Variants in EPHB1 observed in about 807,000 individuals in gnomAD.
The protein encoded by EPHB1 is EPH receptor B1, also known as ephrin type-B receptor 1.
A neutral mutation model predicts 94.4 loss-of-function variants in EPHB1; 30 were observed. The observed-to-expected ratio is 0.32, with a 90% CI of 0.24 to 0.43. EPHB1 has a LOEUF of 0.43. Among genes scored for constraint, EPHB1 ranks in the 20% least tolerant of loss-of-function variants. EPHB1 has a pLI of 1.00. For missense variants in EPHB1, 1,055 were observed against 1,308.3 expected (o/e 0.81, Z 2.99); for synonymous variants, 522 against 489.1 (o/e 1.07, Z -0.89).
At chr3:135,119,007 A>G (rs1170362468) in intron 4 of EPHB1, among the ~76,000 whole-genome samples, 1 of 152,188 alleles carries the variant, frequency 6.6e-6, no homozygotes, top group Non-Finnish European at 1.5e-5. Flanking sequence ...TCTTCACAGC[A>G]GTGTGCATCA....
chr3:135,056,102 G>A (rs1370453327), intron 3 of EPHB1, among the ~76,000 whole-genome samples: 2 of 152,234 alleles, frequency 1.3e-5, no homozygotes, highest in African/African-American at 4.8e-5. Context: ...AGTCCAGGCT[G>A]TCAGTTACCA....
At chr3:135,042,810 C>T (rs527281135) in intron 3 of EPHB1, among the ~76,000 whole-genome samples, 30 of 152,276 alleles carry the variant, frequency 2.0e-4, no homozygotes, top group African/African-American at 6.3e-4. Context: ...TCTAAGACCT[C>T]TTCCTAAAAC....
chr3:134,807,031 T>G (rs1490923433), intron 1 of EPHB1, among the ~76,000 whole-genome samples: 1 of 152,066 alleles, frequency 6.6e-6, no homozygotes, highest in African/African-American at 2.4e-5. Context: ...TTTGGCTTGA[T>G]TACAAAATTC....
chr3:135,165,424 C>T (rs909081478), intron 7 of EPHB1, among the ~76,000 whole-genome samples: 2 of 152,188 alleles, frequency 1.3e-5, no homozygotes, highest in Non-Finnish European at 2.9e-5. Flanking sequence ...AAGCCTTGAT[C>T]ATTTTCTTCT....
Position 134,795,615 on chromosome 3 carries a change from C to T in EPHB1, c.-17C>T, listed in dbSNP as rs778630433. The T allele has an allele frequency of 6.2e-7, 1 of 1,603,162 alleles. No homozygotes were observed. Among genetic ancestry groups the T allele is most frequent in the Non-Finnish European group, 8.5e-7 (1 of 1,175,918 alleles). On this transcript the variant is annotated 5_prime_UTR_variant, in exon 1 of 16. Transcript: ENST00000398015. ...GCTGCCTCGGCTTGGTCTCGGCCTG[C>T]GGGCCGTCGGCCGGCGATGGCCCTG...
In EPHB1 at chr3:135,029,728, C is replaced by G. The variant is rs1936349275; in HGVS notation, c.806-76720C>G. 1.3e-5 allele frequency among the ~76,000 whole-genome samples: 2 copies of G among 151,232 alleles called. 1 individual carries two copies. Among genetic ancestry groups the G allele is most frequent in the South Asian group, 4.2e-4 (2 of 4,736 alleles). On this transcript the variant is annotated intron_variant, in intron 3 of 15. Coordinates refer to ENST00000398015, the MANE Select transcript of EPHB1 (RefSeq NM_004441.5). ...TGGAGTTGCTCTTCTCGAGGAGTAT[C>G]TTTGTGGCATTCTCTGTATTTCCTG... is the stretch of plus-strand genomic sequence containing the variant.
chr3:134,873,921 C>A (rs913090016), intron 1 of EPHB1, among the ~76,000 whole-genome samples: 3 of 152,164 alleles, frequency 2.0e-5, no homozygotes, highest in African/African-American at 7.2e-5. Context: ...TAGTTTGTCA[C>A]TCAGGTTAGC....
At chr3:135,213,685 A>G (rs1943080024) in intron 12 of EPHB1, among the ~76,000 whole-genome samples, 1 of 152,240 alleles carries the variant, frequency 6.6e-6, no homozygotes. Flanking sequence ...ATCTCTGGAT[A>G]GCAGCTTTAT....
At chr3:135,146,825 C>T (rs1025239918) in intron 5 of EPHB1, among the ~76,000 whole-genome samples, 4 of 152,226 alleles carry the variant, frequency 2.6e-5, no homozygotes, top group Admixed American at 6.5e-5. Flanking sequence ...GGGAATGATG[C>T]CCAGTGATTG....
intron 1 of EPHB1, among the ~76,000 whole-genome samples, chr3:134,850,908 T>C (rs1233274404): frequency 1.3e-5 from 2 of 152,224 alleles, no homozygotes; most frequent in African/African-American, 2.4e-5. Context: ...AGGGGGGCAT[T>C]CATCTGCTTC....
At chr3:134,848,379 T>C (rs918135891) in intron 1 of EPHB1, among the ~76,000 whole-genome samples, 2 of 152,248 alleles carry the variant, frequency 1.3e-5, no homozygotes, top group Admixed American at 1.3e-4. Flanking sequence ...AATATGTTTA[T>C]AGTGTTGTTA....
At chr3:135,222,784 A>C (rs1943302604) in intron 12 of EPHB1, among the ~76,000 whole-genome samples, 1 of 152,238 alleles carries the variant, frequency 6.6e-6, no homozygotes, top group African/African-American at 2.4e-5. Flanking sequence ...AAGAGGAAGC[A>C]CAAAAATCCA....
intron 1 of EPHB1, among the ~76,000 whole-genome samples, chr3:134,877,729 TTTCTG>T (rs1218424037): frequency 6.6e-6 from 1 of 152,158 alleles, no homozygotes; most frequent in Non-Finnish European, 1.5e-5. Flanking sequence ...GAAGAGGGTG[TTTCTG>T]CTATAGAAAG....
chr3:134,840,762 G>C (rs1199513447), intron 1 of EPHB1, among the ~76,000 whole-genome samples: 1 of 152,166 alleles, frequency 6.6e-6, no homozygotes, highest in African/African-American at 2.4e-5. Context: ...CACAGAACTG[G>C]TACACATTGT....
chr3:135,248,657 GAAGA>G (rs1330104562), intron 14 of EPHB1, 148 bp downstream of exon 14: 5 of 674,832 alleles, frequency 7.4e-6, no homozygotes, highest in African/African-American at 5.4e-5. Context: ...CAACATGCAT[GAAGA>G]AAGACAGGAG....
intron 1 of EPHB1, among the ~76,000 whole-genome samples, chr3:134,916,260 T>C (rs1344836485): frequency 1.3e-5 from 2 of 152,170 alleles, no homozygotes; most frequent in Non-Finnish European, 2.9e-5. Context: ...GTTCTCCAAG[T>C]CCCCACTAGA....
intron 15 of EPHB1, among the ~76,000 whole-genome samples, chr3:135,250,382 G>C (rs1404886208): frequency 6.6e-6 from 1 of 152,184 alleles, no homozygotes; most frequent in East Asian, 1.9e-4. Flanking sequence ...TGGCAAAGCT[G>C]GGACACAAGC....
rs542400207 is a variant in EPHB1 at position 134,831,244 on chromosome 3, C to G, written c.58+35555C>G. Among the ~76,000 whole-genome samples the G allele has an allele frequency of 4.6e-5, 7 of 152,188 alleles. No individual in the cohort carries two copies. The East Asian group carries it at 1.3e-3, about 29-fold the overall frequency. On this transcript the variant is annotated intron_variant, in intron 1 of 15. Coordinates refer to ENST00000398015, the MANE Select transcript of EPHB1 (RefSeq NM_004441.5). ...ATGTGGCCTCTAACCTGTCCTGGAG[C>G]AGAGGAGGGCAGCTGGGAGACCAGG...
intron 1 of EPHB1, among the ~76,000 whole-genome samples, chr3:134,906,845 C>G (rs112019842): frequency 0.014 from 2,184 of 152,304 alleles, 52 homozygotes; most frequent in African/African-American, 0.049. Flanking sequence ...GGCTATCACC[C>G]CAGAGGTCTA....
Sources: allele counts gnomAD v4.1 joint callset (sites outside exome capture counted in the v4.1 genomes callset), GRCh38; gene constraint gnomAD v4.1.1; transcripts MANE v1.5; gene names NCBI Gene and HGNC (gene_info 2026-07-23, HGNC 2026-07-21).